Variants in RHBDF1 observed in about 807,000 individuals in gnomAD.
The protein encoded by RHBDF1 is rhomboid 5 homolog 1, also known as inactive rhomboid protein 1.
RHBDF1 carries 80 observed loss-of-function variants against 98.6 expected under a neutral mutation model. That is an observed-to-expected ratio of 0.81 (90% CI 0.68 to 0.98). RHBDF1 has a LOEUF of 0.98. Among genes scored for constraint, RHBDF1 ranks in the 50% least tolerant of loss-of-function variants. The pLI is 0.00. For missense variants in RHBDF1, 1,116 were observed against 1,198.3 expected (o/e 0.93, Z 1.01); for synonymous variants, 512 against 486.8 (o/e 1.05, Z -0.68).
intron 1 of RHBDF1, among the ~76,000 whole-genome samples, chr16:65,928 A>G (rs1436228632): frequency 2.0e-5 from 3 of 152,218 alleles, no homozygotes; most frequent in Admixed American, 6.5e-5. Context: ...TGGCTCTACC[A>G]TGACATGCCA....
intron 1 of RHBDF1, among the ~76,000 whole-genome samples, chr16:71,729 G>A (rs1897974582): frequency 6.6e-6 from 1 of 152,172 alleles, no homozygotes. Context: ...GCCCTGGGGG[G>A]CCAGGGAAGA....
intron 1 of RHBDF1, among the ~76,000 whole-genome samples, chr16:68,062 T>C (rs1897874872): frequency 6.6e-6 from 1 of 151,558 alleles, no homozygotes; most frequent in South Asian, 2.1e-4. Context: ...CAGGACTGTC[T>C]CAGCCGGGGA....
intron 1 of RHBDF1, among the ~76,000 whole-genome samples, chr16:69,305 A>G (rs959805528): frequency 1.3e-5 from 2 of 152,164 alleles, no homozygotes; most frequent in African/African-American, 4.8e-5. Flanking sequence ...GCACACTCAC[A>G]GGACCATGCT....
chr16:72,389 G>T, intron 1 of RHBDF1, 124 bp downstream of exon 1: 3 of 385,540 alleles, frequency 7.8e-6, no homozygotes, highest in South Asian at 9.8e-5. Context: ...CCCCGGCCCC[G>T]ACACGGCCCC....
At position 72,598 on chromosome 16, in the gene RHBDF1, C is replaced by CGCCCGCCCGCCAGTCCG; in HGVS notation, c.-111_-110insCGGACTGGCGGGCGGGC. 1.0e-6 allele frequency: 1 copy of CGCCCGCCCGCCAGTCCG among 976,286 alleles called. No homozygotes were observed. The allele number at this position is 976,286 out of a possible 1,614,324, so 60.5% of individuals were successfully genotyped here. A position where few individuals can be genotyped will look rare whatever the true frequency, so the allele number is the denominator to read the frequency against. ...GCCGGGAGGGCCCGCGCCGAGTCCC[C>CGCCCGCCCGCCAGTCCG]GCCCGCCCGCCGGTCCGGCCCGCCC... On this transcript the variant is annotated 5_prime_UTR_variant, in exon 1 of 18. Transcript: ENST00000262316.
chr16:66,345 T>C (rs1053642299), intron 1 of RHBDF1, among the ~76,000 whole-genome samples: 4 of 151,966 alleles, frequency 2.6e-5, no homozygotes, highest in Non-Finnish European at 4.4e-5. Flanking sequence ...GCTGTACAAA[T>C]AGGGAAACTG....
At position 58,610 on chromosome 16, in the gene RHBDF1, C is replaced by A. The variant is rs1897472905; in HGVS notation, c.2298G>T (p.Trp766Cys). ...CTGAGATGTGGGCAAAGTTGTCAAT[C>A]CACGGCAGCAGCCCAAAGGTGAAGA... is the stretch of plus-strand genomic sequence containing the variant. ...LFLFTFGLLP[W>C]IDNFAHISGF... The change falls in exon 18 of 18, where the codon TGG becomes TGT. Residue 766 changes from tryptophan (W) to cysteine (C), a missense_variant. Coordinates refer to ENST00000262316, the MANE Select transcript of RHBDF1 (RefSeq NM_022450.5). The A allele has an allele frequency of 1.2e-6, 2 of 1,613,582 alleles. No homozygotes were observed. Among genetic ancestry groups the A allele is most frequent in the African/African-American group, 1.3e-5 (1 of 74,938 alleles).
chr16:62,503 T>C, intron 7 of RHBDF1, 35 bp downstream of exon 7: 2 of 1,604,544 alleles, frequency 1.2e-6, no homozygotes, highest in Non-Finnish European at 1.7e-6. Context: ...CCCCGGGGTC[T>C]CTCTCTGCCC....
In RHBDF1 at chr16:58,074, C is replaced by T; in HGVS notation, c.*266G>A. The T allele has an allele frequency of 2.4e-6, 1 of 412,218 alleles. No homozygotes were observed. The highest frequency in any genetic ancestry group is 4.4e-6 in the Non-Finnish European group (1 of 228,976). The allele number at this position is 412,218 out of a possible 1,614,324, so 25.5% of individuals were successfully genotyped here. ...GAAGCCCTGGTCAAGTTAATGGCAGCTAAAACGCTCCCAGTCCATTTATTG... is the reference window on the plus strand; with the variant it reads ...GAAGCCCTGGTCAAGTTAATGGCAGTTAAAACGCTCCCAGTCCATTTATTG... On this transcript the variant is annotated 3_prime_UTR_variant, in exon 18 of 18. Transcript: ENST00000262316.
chr16:59,169 G>T, intron 16 of RHBDF1, 42 bp from the exon 17 acceptor site: 2 of 1,601,564 alleles, frequency 1.2e-6, no homozygotes, highest in Non-Finnish European at 1.7e-6. Context: ...CATTCAGCAG[G>T]GAAGTGACCT....
At position 63,902 on chromosome 16, in the gene RHBDF1, A is replaced by G. The variant is rs2141855902; in HGVS notation, c.249-102T>C. On this transcript the variant is annotated intron_variant, in intron 3 of 17. Coordinates refer to ENST00000262316, the MANE Select transcript of RHBDF1 (RefSeq NM_022450.5). Reference sequence around the variant, plus strand: ...GGCAGCATGCTGCCCCCAGGCCTGTAGTCACTCCAGGGACCAGGGTCTGAG... The same window carrying G: ...GGCAGCATGCTGCCCCCAGGCCTGTGGTCACTCCAGGGACCAGGGTCTGAG... 3 of 995,194 alleles carry G rather than the reference A, an allele frequency of 3.0e-6. No homozygotes were observed. The East Asian group carries it at 7.8e-5, about 26-fold the overall frequency. The allele number at this position is 995,194 out of a possible 1,614,324, so 61.6% of individuals were successfully genotyped here.
chr16:62,224 G>A, intron 7 of RHBDF1, 172 bp from the exon 8 acceptor site: 1 of 935,856 alleles, frequency 1.1e-6, no homozygotes, highest in Non-Finnish European at 1.5e-6. Flanking sequence ...TCCGGGGATG[G>A]CAGGGAGCTG....
chr16:60,658 CCA>C, intron 11 of RHBDF1, 119 bp from the exon 12 acceptor site: 1 of 682,848 alleles, frequency 1.5e-6, no homozygotes, highest in Admixed American at 2.5e-5. Flanking sequence ...CAAGTCACCC[CCA>C]CTCTTGAGAT....
intron 11 of RHBDF1, 153 bp from the exon 12 acceptor site, chr16:60,692 C>A: frequency 1.6e-6 from 1 of 606,970 alleles, no homozygotes; most frequent in South Asian, 2.0e-5. Context: ...TTGGAAAAGA[C>A]TCTTACAAGG....
At chr16:62,389 C>T in intron 7 of RHBDF1, 149 bp downstream of exon 7, 1 of 1,090,140 alleles carries the variant, frequency 9.2e-7, no homozygotes, top group Non-Finnish European at 1.3e-6. Context: ...CTGCGTCTCC[C>T]ACCCCTGGTG....
chr16:65,227 G>A (rs1270394095), intron 1 of RHBDF1, among the ~76,000 whole-genome samples, 188 bp from the exon 2 acceptor site: 1 of 152,236 alleles, frequency 6.6e-6, no homozygotes, highest in African/African-American at 2.4e-5. Context: ...CCAGCAGACA[G>A]TGCTGGGCAC....
At position 63,572 on chromosome 16, in the gene RHBDF1, A is replaced by G; in HGVS notation, c.462+15T>C. ...GAAGGAGGGGCCTGCAGGAGGCAGC[A>G]ACAGGCAGGCATACCTTCTGCATGC... On this transcript the variant is annotated intron_variant, in intron 4 of 17. Transcript: ENST00000262316. 6.5e-7 allele frequency: 1 copy of G among 1,527,938 alleles called. No homozygotes were observed. Among genetic ancestry groups the G allele is most frequent in the Non-Finnish European group, 8.8e-7 (1 of 1,137,424 alleles). The allele number at this position is 1,527,938 out of a possible 1,614,324, so 94.6% of individuals were successfully genotyped here. A position where few individuals can be genotyped will look rare whatever the true frequency, so the allele number is the denominator to read the frequency against.
chr16:67,967 G>C (rs1403524084), intron 1 of RHBDF1, among the ~76,000 whole-genome samples: 1 of 152,086 alleles, frequency 6.6e-6, no homozygotes, highest in Admixed American at 6.5e-5. Context: ...CCCCAGGACT[G>C]TTTCGGCCGG....
At chr16:66,963 T>C (rs1295226413) in intron 1 of RHBDF1, among the ~76,000 whole-genome samples, 1 of 152,222 alleles carries the variant, frequency 6.6e-6, no homozygotes, top group Admixed American at 6.5e-5. Context: ...CCTCTGCATC[T>C]GACTCGTGAC....
Sources: gnomAD v4.1 joint callset for allele counts (sites outside exome capture counted in the v4.1 genomes callset) on GRCh38, gnomAD v4.1.1 for gene constraint, MANE v1.5 for transcripts, NCBI Gene and HGNC (gene_info 2026-07-23, HGNC 2026-07-21) for gene names.